AGBL3: variants seen among roughly 807,000 people sequenced by gnomAD.
The protein encoded by AGBL3 is AGBL carboxypeptidase 3, also known as cytosolic carboxypeptidase 3.
In AGBL3, 68 loss-of-function variants were observed where a neutral mutation model predicts 94.5. That is an observed-to-expected ratio of 0.72 (90% CI 0.59 to 0.88). The LOEUF (loss-of-function observed/expected upper bound fraction) is 0.88. Among genes scored for constraint, AGBL3 ranks in the 40% least tolerant of loss-of-function variants. The pLI is 0.00. For synonymous variants in AGBL3, 354 were observed against 370.7 expected (o/e 0.95, Z 0.52); for missense variants, 934 against 1,103.8 (o/e 0.85, Z 2.18).
At chr7:135,114,694 C>T (rs535652193) in intron 15 of AGBL3, among the ~76,000 whole-genome samples, 161 of 152,238 alleles carry the variant, frequency 1.1e-3, no homozygotes, top group African/African-American at 3.6e-3. Flanking sequence ...TCCAAGCTAC[C>T]GCCATCTCTC....
chr7:135,121,875 G>A (rs973695508), intron 16 of AGBL3, among the ~76,000 whole-genome samples: 14 of 152,254 alleles, frequency 9.2e-5, no homozygotes, highest in Admixed American at 4.6e-4. Flanking sequence ...CGGGGAAACC[G>A]TGCTTTTTCC....
At chr7:135,134,428 C>T (rs1829199957) in intron 16 of AGBL3, among the ~76,000 whole-genome samples, 1 of 151,894 alleles carries the variant, frequency 6.6e-6, no homozygotes. Context: ...GATTTTTTTA[C>T]TGGTTATAGA....
rs1359309198 is a variant in AGBL3 at position 135,135,105 on chromosome 7, TG to T, written c.2608del (p.Ala870GlnfsTer4). On this transcript the variant is annotated frameshift_variant, in exon 17 of 17. Transcript: ENST00000436302. LOFTEE classifies it low-confidence loss of function (END_TRUNC). ...CTGCTTCTTCAAGCTTTGGAATGGA[TG>T]CAAATGTTCTAAAATATAAGAGTCT... is the stretch of plus-strand genomic sequence containing the variant. ...ETASSSFGMD[A>X]NVLKYKSLQA... 6.4e-7 allele frequency: 1 copy of T among 1,551,156 alleles called. No individual in the cohort carries two copies. Among genetic ancestry groups the T allele is most frequent in the East Asian group, 2.4e-5 (1 of 40,902 alleles).
intron 3 of AGBL3, among the ~76,000 whole-genome samples, chr7:134,992,003 GAT>G (rs1443305401): frequency 1.3e-5 from 2 of 152,198 alleles, no homozygotes; most frequent in Non-Finnish European, 2.9e-5. Flanking sequence ...AAATTCTTCA[GAT>G]AGTTATGTTT....
chr7:135,106,382 A>C (rs1157622860), intron 15 of AGBL3, among the ~76,000 whole-genome samples: 1 of 152,160 alleles, frequency 6.6e-6, no homozygotes, highest in Non-Finnish European at 1.5e-5. Context: ...ATTTTTAGGT[A>C]TGTTCCTTCA....
chr7:135,014,428 C>G (rs954496660), intron 4 of AGBL3, among the ~76,000 whole-genome samples: 1 of 151,974 alleles, frequency 6.6e-6, no homozygotes, highest in African/African-American at 2.4e-5. Context: ...TTTATAAGAT[C>G]ATTTGCATAT....
intron 11 of AGBL3, 25 bp downstream of exon 11, chr7:135,045,936 G>A: frequency 7.3e-7 from 1 of 1,368,768 alleles, no homozygotes; most frequent in Non-Finnish European, 1.0e-6. Flanking sequence ...CTGAAGTAAT[G>A]CAATTTGTTG....
At chr7:135,036,200 A>G (rs1584906703) in intron 7 of AGBL3, among the ~76,000 whole-genome samples, 1 of 152,146 alleles carries the variant, frequency 6.6e-6, no homozygotes, top group African/African-American at 2.4e-5. Flanking sequence ...TAGTTAAGTA[A>G]TAATCCTACC....
intron 5 of AGBL3, 89 bp downstream of exon 5, chr7:135,017,248 G>A (rs1178406197): frequency 1.1e-6 from 1 of 946,252 alleles, no homozygotes; most frequent in South Asian, 1.4e-5. Context: ...GTTTGTAGTG[G>A]AAATTTCAGA....
intron 16 of AGBL3, chr7:135,129,621 A>G: frequency 1.3e-6 from 1 of 777,116 alleles, no homozygotes; most frequent in Non-Finnish European, 2.4e-6. Context: ...TCCTGCTTCA[A>G]CATGTCTTAA....
chr7:135,000,987 A>G (rs1157800885), intron 4 of AGBL3, among the ~76,000 whole-genome samples: 1 of 152,160 alleles, frequency 6.6e-6, no homozygotes, highest in Non-Finnish European at 1.5e-5. Flanking sequence ...GTCGGCTTGG[A>G]CAATTCTATA....
intron 12 of AGBL3, among the ~76,000 whole-genome samples, chr7:135,062,195 AGTTT>A (rs1386429624): frequency 2.0e-5 from 3 of 152,034 alleles, no homozygotes; most frequent in Non-Finnish European, 4.4e-5. Flanking sequence ...ATTTTTAGAT[AGTTT>A]GTTATTAATC....
chr7:135,021,439 C>T (rs1232006011), intron 5 of AGBL3, among the ~76,000 whole-genome samples: 1 of 151,700 alleles, frequency 6.6e-6, no homozygotes, highest in African/African-American at 2.4e-5. Context: ...CTACAGGCGC[C>T]CACCACCACG....
chr7:135,077,753 C>T (rs1190442199), intron 13 of AGBL3, among the ~76,000 whole-genome samples: 1 of 152,068 alleles, frequency 6.6e-6, no homozygotes, highest in African/African-American at 2.4e-5. Context: ...TTAAAACGTT[C>T]ACATACCAGT....
At chr7:135,081,842 T>C in intron 15 of AGBL3, 52 bp downstream of exon 15, 1 of 1,188,710 alleles carries the variant, frequency 8.4e-7, no homozygotes, top group South Asian at 1.7e-5. Flanking sequence ...ATGATCTGAA[T>C]GTTATTTTTC....
At chr7:135,065,889 T>C (rs550184148) in intron 12 of AGBL3, among the ~76,000 whole-genome samples, 1 of 152,154 alleles carries the variant, frequency 6.6e-6, no homozygotes, top group East Asian at 1.9e-4. Context: ...AGACCCTGTA[T>C]CAAAGAAACA....
chr7:135,050,809 A>G (rs1451068932), intron 11 of AGBL3, among the ~76,000 whole-genome samples: 1 of 152,008 alleles, frequency 6.6e-6, no homozygotes, highest in East Asian at 1.9e-4. Context: ...CCTTAAATCT[A>G]CAGGGAGTAT....
rs914938119 is a variant in AGBL3 at position 135,123,998 on chromosome 7, T to G, written c.2342+8387T>G. 3.3e-5 allele frequency among the ~76,000 whole-genome samples: 5 copies of G among 152,014 alleles called. No individual in the cohort carries two copies. In the East Asian group the frequency reaches 9.6e-4, roughly 29 times the overall value. On this transcript the variant is annotated intron_variant, in intron 16 of 16. Coordinates refer to ENST00000436302, the MANE Select transcript of AGBL3 (RefSeq NM_178563.4). ...AAACTGCATCAATTAGTGCACAAAATAACCAAATAGCATCATGATGACAGG... is the reference window on the plus strand; with the variant it reads ...AAACTGCATCAATTAGTGCACAAAAGAACCAAATAGCATCATGATGACAGG...
At chr7:135,096,866 T>TA (rs1822977516) in intron 15 of AGBL3, among the ~76,000 whole-genome samples, 1 of 152,128 alleles carries the variant, frequency 6.6e-6, no homozygotes, top group South Asian at 2.1e-4. Context: ...ACTAGGAAGA[T>TA]ACGCAAAATA....
Sources: gnomAD v4.1 joint callset for allele counts (sites outside exome capture counted in the v4.1 genomes callset) on GRCh38, gnomAD v4.1.1 for gene constraint, MANE v1.5 for transcripts, NCBI Gene and HGNC (gene_info 2026-07-23, HGNC 2026-07-21) for gene names.